GUCY2C: variants seen among roughly 807,000 people sequenced by gnomAD.
The protein encoded by GUCY2C is guanylate cyclase 2C.
Under a neutral mutation model 131.1 loss-of-function variants are expected in GUCY2C, and 118 were observed. That is an observed-to-expected ratio of 0.90 (90% CI 0.78 to 1.05). The LOEUF is 1.05. Among genes scored for constraint, GUCY2C ranks in the 50% least tolerant of loss-of-function variants. The pLI, the probability that GUCY2C is intolerant of heterozygous loss-of-function variation, is 0.00. For synonymous variants in GUCY2C, 452 were observed against 457.8 expected, an observed-to-expected ratio of 0.99 and a Z score of 0.16; for missense variants, 1,161 against 1,304.4, an observed-to-expected ratio of 0.89 and a Z score of 1.69.
intron 6 of GUCY2C, 22 bp from the exon 7 acceptor site, chr12:14,676,993 C>A: frequency 1.1e-6 from 1 of 882,094 alleles, no homozygotes; most frequent in South Asian, 2.2e-5. Flanking sequence ...AGCACAGGTT[C>A]CTCATGAAAA....
At chr12:14,640,462 CAAAAAA>C (rs3083859) in intron 18 of GUCY2C, among the ~76,000 whole-genome samples, 1 of 114,572 alleles carries the variant, frequency 8.7e-6, no homozygotes, top group African/African-American at 3.2e-5. Context: ...GACACTGTCT[CAAAAAA>C]AAAAAAAAAA....
Position 14,639,904 on chromosome 12 carries a change from G to A in GUCY2C, c.2115C>T (p.Arg705=). ...CTGCTGTTTCCAAGAATAAATCTGGGCGGAAGGGTTTCATTCCATTGGAAT... is the reference window on the plus strand; with the variant it reads ...CTGCTGTTTCCAAGAATAAATCTGGACGGAAGGGTTTCATTCCATTGGAAT... The part of the protein sequence containing the change: ...VENSNGMKPF[R]PDLFLETAEE... Residue 705 remains arginine, a synonymous_variant, in exon 19 of 27, where the codon CGC becomes CGT. Transcript: ENST00000261170. The A allele has an allele frequency of 6.2e-7, 1 of 1,611,876 alleles. No individual in the cohort carries two copies. The highest frequency in any genetic ancestry group is 8.5e-7 in the Non-Finnish European group (1 of 1,177,976).
At chr12:14,618,953 T>A (rs1366508562) in intron 24 of GUCY2C, among the ~76,000 whole-genome samples, 1 of 152,162 alleles carries the variant, frequency 6.6e-6, no homozygotes, top group Non-Finnish European at 1.5e-5. Context: ...ATCCCCAGAT[T>A]CATTGTATAT....
At chr12:14,635,471 G>A (rs1159682261) in intron 19 of GUCY2C, among the ~76,000 whole-genome samples, 1 of 152,130 alleles carries the variant, frequency 6.6e-6, no homozygotes, top group Non-Finnish European at 1.5e-5. Context: ...ACTGCTAAGA[G>A]AGTAGTTTAT....
rs111618534 is a variant in GUCY2C, at chr12:14,619,183, C to A, written c.2875+28G>T. The A allele has an allele frequency of 1.0e-4, 140 of 1,339,324 alleles. 2 individuals carry two copies. In the African/African-American group the frequency reaches 1.9e-3, roughly 18 times the overall value. The allele number at this position is 1,339,324 out of a possible 1,614,324, so 83.0% of individuals were successfully genotyped here. On this transcript the variant is annotated intron_variant, in intron 24 of 26. Transcript: ENST00000261170. ...TCTGCTGGAAAACAGCATCTTTGTC[C>A]TCTGAGAAAAACAGTCTCCCTTCTT...
chr12:14,687,823 G>A (rs576374740), intron 2 of GUCY2C, 128 bp downstream of exon 2: 12 of 633,118 alleles, frequency 1.9e-5, no homozygotes, highest in East Asian at 8.1e-5. Context: ...CCTGGTACTC[G>A]GCCACTCATT....
intron 25 of GUCY2C, among the ~76,000 whole-genome samples, chr12:14,615,716 A>G (rs549561897): frequency 6.6e-6 from 1 of 151,928 alleles, no homozygotes; most frequent in Admixed American, 6.6e-5. Flanking sequence ...GACCATAGCA[A>G]TCCATAAACT....
intron 21 of GUCY2C, 143 bp from the exon 22 acceptor site, chr12:14,622,340 G>T (rs1040247253): frequency 1.8e-6 from 1 of 562,472 alleles, no homozygotes; most frequent in South Asian, 2.7e-5. Context: ...CGGAAACAGA[G>T]GTTGTGTATA....
rs1190024794 is a variant in GUCY2C, at chr12:14,641,156, C to G, written c.1994G>C (p.Ser665Thr). Residue 665 changes from serine (S) to threonine (T), a missense_variant, in exon 18 of 27, where the codon AGC becomes ACC. By Grantham distance (58) the Ser-to-Thr change is moderately conservative (BLOSUM62 1). Coordinates refer to ENST00000261170, the MANE Select transcript of GUCY2C (RefSeq NM_004963.4). The part of the protein sequence containing the change: ...ANISQKGDVY[S>T]YGIIAQEIIL... ...GATCTCCTGTGCGATGATCCCATAG[C>G]TGTACACATCTCCTTTCTGAGAGAT... The G allele has an allele frequency of 6.2e-7, 1 of 1,613,684 alleles. No individual in the cohort carries two copies. Among genetic ancestry groups the G allele is most frequent in the Non-Finnish European group, 8.5e-7 (1 of 1,179,762 alleles).
chr12:14,658,047 A>G lies in GUCY2C; in HGVS notation c.1365-1430T>C, dbSNP rs576725244. ...TATTGCATTACTTTGCATTTTCTTG[A>G]TTACAAGTGATATTATCCTTTCAAA... On this transcript the variant is annotated intron_variant, in intron 11 of 26. Transcript: ENST00000261170. Among the ~76,000 whole-genome samples the G allele has an allele frequency of 9.2e-5, 14 of 152,194 alleles. No homozygotes were observed. The East Asian group carries it at 2.7e-3, about 29-fold the overall frequency.
Position 14,625,847 on chromosome 12 carries a change from C to A in GUCY2C, c.2318G>T (p.Arg773Leu). The A allele has an allele frequency of 6.2e-7, 1 of 1,613,638 alleles. No homozygotes were observed. The highest frequency in any genetic ancestry group is 8.5e-7 in the Non-Finnish European group (1 of 1,179,674). ...TTCCTCTACCAGATGTTCCAGGTTTCGAGAATATAGCTGTAGACGTCGGAT... is the reference window on the plus strand; with the variant it reads ...TTCCTCTACCAGATGTTCCAGGTTTAGAGAATATAGCTGTAGACGTCGGAT... ...TLIRRLQLYS[R>L]NLEHLVEERT... The change falls in exon 21 of 27, where the codon CGA becomes CTA. Residue 773 changes from arginine (R) to leucine (L), a missense_variant. By Grantham distance (102) the Arg-to-Leu change is moderately radical (BLOSUM62 -2). Coordinates refer to ENST00000261170, the MANE Select transcript of GUCY2C (RefSeq NM_004963.4).
chr12:14,685,303 G>C (rs945605438), intron 3 of GUCY2C, among the ~76,000 whole-genome samples: 3 of 152,202 alleles, frequency 2.0e-5, no homozygotes, highest in Non-Finnish European at 4.4e-5. Context: ...AGCTGAAAAA[G>C]TGCTCAGTGA....
intron 1 of GUCY2C, among the ~76,000 whole-genome samples, chr12:14,690,580 T>C (rs1948555736): frequency 6.6e-6 from 1 of 152,156 alleles, no homozygotes. Context: ...TCTGCACTGT[T>C]GCTCTGGCTG....
intron 19 of GUCY2C, among the ~76,000 whole-genome samples, chr12:14,633,223 A>T (rs1299156256): frequency 1.3e-5 from 2 of 152,216 alleles, no homozygotes; most frequent in Non-Finnish European, 2.9e-5. Context: ...GGACCAGCCC[A>T]CCTGGCATTC....
intron 11 of GUCY2C, among the ~76,000 whole-genome samples, chr12:14,658,651 G>A (rs897716674): frequency 6.6e-6 from 1 of 152,172 alleles, no homozygotes; most frequent in Non-Finnish European, 1.5e-5. Flanking sequence ...ACTCCAGCCT[G>A]AGTGACAGAG....
At chr12:14,614,669 T>A in intron 26 of GUCY2C, 198 bp downstream of exon 26, 1 of 515,488 alleles carries the variant, frequency 1.9e-6, no homozygotes, top group Non-Finnish European at 3.4e-6. Flanking sequence ...CATTGAGGTC[T>A]CAGGAAAATG....
intron 19 of GUCY2C, among the ~76,000 whole-genome samples, chr12:14,634,683 T>A (rs912713204): frequency 1.3e-5 from 2 of 152,188 alleles, no homozygotes. Context: ...AATGGATTTT[T>A]AAAAATGACC....
At chr12:14,658,059 A>C (rs1257143710) in intron 11 of GUCY2C, among the ~76,000 whole-genome samples, 1 of 152,146 alleles carries the variant, frequency 6.6e-6, no homozygotes, top group Non-Finnish European at 1.5e-5. Context: ...TACAAGTGAT[A>C]TTATCCTTTC....
chr12:14,672,372 G>A (rs981831025), intron 9 of GUCY2C: 1 of 152,236 alleles, frequency 6.6e-6, no homozygotes, highest in African/African-American at 2.4e-5. Context: ...AAAAAAAAGT[G>A]AATATAATAT....
Sources: allele counts gnomAD v4.1 joint callset (sites outside exome capture counted in the v4.1 genomes callset), GRCh38; gene constraint gnomAD v4.1.1; transcripts MANE v1.5; gene names NCBI Gene and HGNC (gene_info 2026-07-23, HGNC 2026-07-21).